The following SNRPN variants were observed in gnomAD, a reference collection of about 807,000 sequenced individuals.
SNRPN encodes the protein small nuclear ribonucleoprotein-associated protein N.
A neutral mutation model predicts 25.2 loss-of-function variants in SNRPN; 7 were observed. The observed-to-expected ratio is 0.28, with a 90% CI of 0.16 to 0.52. SNRPN has a LOEUF of 0.52. SNRPN is among the 20% of genes least tolerant of loss of function. The pLI, the probability that SNRPN is intolerant of heterozygous loss-of-function variation, is 0.96. For synonymous variants in SNRPN, 124 were observed against 110.6 expected (o/e 1.12, Z -0.76); for missense variants, 196 against 322.5 (o/e 0.61, Z 3.00).
At chr15:24,863,102 A>G (rs1378601629) in intron 1 of SNRPN, among the ~76,000 whole-genome samples, 1 of 150,600 alleles carries the variant, frequency 6.6e-6, no homozygotes, top group African/African-American at 2.5e-5. Flanking sequence ...AGTTGGAACA[A>G]GTAAGAATAG....
At chr15:24,897,751 C>A (rs956560697) in intron 2 of SNRPN, among the ~76,000 whole-genome samples, 1 of 152,088 alleles carries the variant, frequency 6.6e-6, no homozygotes, top group Non-Finnish European at 1.5e-5. Context: ...AATGGGAGTT[C>A]CCCTGCACAA....
At position 24,977,815 on chromosome 15, in the gene SNRPN, C is replaced by T; in HGVS notation, c.458C>T (p.Ala153Val). 3.1e-6 allele frequency: 5 copies of T among 1,613,284 alleles called. No individual in the cohort carries two copies. Among genetic ancestry groups the T allele is most frequent in the Non-Finnish European group, 4.2e-6 (5 of 1,179,600 alleles). ...CAGGGAAGAGGCACTGTAGCAGCTGCTGCTGTTGCTGCGACTGCCAGTATT... is the reference window on the plus strand; with the variant it reads ...CAGGGAAGAGGCACTGTAGCAGCTGTTGCTGTTGCTGCGACTGCCAGTATT... ...TPQGRGTVAAAAVAATASIAG... is the reference protein window; with the variant it reads ...TPQGRGTVAAVAVAATASIAG... The change falls in exon 8 of 10, where the codon GCT (alanine) becomes GTT (valine). Residue 153 changes from alanine to valine, a missense_variant. By Grantham distance (64) the Ala-to-Val change is moderately conservative. Coordinates refer to ENST00000390687, the MANE Select transcript of SNRPN (RefSeq NM_003097.6).
rs67151378 is a variant in SNRPN at position 24,873,178 on chromosome 15, A to C, written c.-578-13338A>C. Among the ~76,000 whole-genome samples, 7 of 118,722 alleles carry C rather than the reference A, an allele frequency of 5.9e-5. 2 individuals carry two copies. The highest frequency in any genetic ancestry group is 2.0e-4 in the African/African-American group (7 of 34,396). The allele number at this position is 118,722 out of a possible 152,430, so 77.9% of individuals were successfully genotyped here. ...ACTCCCGCCTTGCCCGCAAAAAAAAAGCAACAGGGATTCCCATAGCACAAC... is the reference window on the plus strand; with the variant it reads ...ACTCCCGCCTTGCCCGCAAAAAAAACGCAACAGGGATTCCCATAGCACAAC... On this transcript the variant is annotated intron_variant, in intron 1 of 11. Coordinates refer to the SNRPN transcript ENST00000400097.
intron 2 of SNRPN, among the ~76,000 whole-genome samples, chr15:24,842,584 T>C (rs1444177292): frequency 2.6e-5 from 4 of 152,242 alleles, no homozygotes; most frequent in African/African-American, 9.6e-5. Context: ...ACATGGCGCA[T>C]TGAGCAAAGC....
intron 1 of SNRPN, among the ~76,000 whole-genome samples, chr15:24,868,858 C>T (rs989382599): frequency 4.3e-4 from 66 of 152,108 alleles, no homozygotes; most frequent in Admixed American, 8.5e-4. Flanking sequence ...AAGGAGAGAC[C>T]AGGTGCAATA....
At position 24,863,118 on chromosome 15, in the gene SNRPN, G is replaced by A. The variant is rs936714843; in HGVS notation, c.-579+6402G>A. On this transcript the variant is annotated intron_variant, in intron 1 of 11. Coordinates refer to the SNRPN transcript ENST00000400097. Reference sequence around the variant, plus strand: ...GTTGGAACAAGTAAGAATAGTCCTTGTTTGATGGGAAGGAGCAGTAGCATT... The same window carrying A: ...GTTGGAACAAGTAAGAATAGTCCTTATTTGATGGGAAGGAGCAGTAGCATT... 2.7e-5 allele frequency among the ~76,000 whole-genome samples: 4 copies of A among 150,446 alleles called. 1 individual carries two copies. Among genetic ancestry groups the A allele is most frequent in the African/African-American group, 1.0e-4 (4 of 40,124 alleles).
chr15:24,966,632 C>T (rs2075681633), intron 2 of SNRPN, among the ~76,000 whole-genome samples: 1 of 152,110 alleles, frequency 6.6e-6, no homozygotes, highest in Non-Finnish European at 1.5e-5. Flanking sequence ...CCTAGGGACC[C>T]ACCTTGAGTA....
intron 1 of SNRPN, among the ~76,000 whole-genome samples, chr15:24,858,837 C>A (rs549723744): frequency 2.0e-5 from 3 of 152,106 alleles, no homozygotes; most frequent in South Asian, 4.1e-4. Flanking sequence ...CCTGATCAAT[C>A]GTTTATTCTT....
chr15:24,897,054 G>A (rs186978231), intron 2 of SNRPN, among the ~76,000 whole-genome samples: 27 of 152,226 alleles, frequency 1.8e-4, no homozygotes, highest in African/African-American at 5.8e-4. Context: ...TCAGGAGGCT[G>A]AGGTGAAAGG....
intron 1 of SNRPN, among the ~76,000 whole-genome samples, chr15:24,882,112 A>C (rs935523614): frequency 2.0e-5 from 3 of 152,178 alleles, no homozygotes; most frequent in Non-Finnish European, 4.4e-5. Context: ...GTGTCCTGCT[A>C]ATTGATTTTG....
At chr15:24,969,883 C>T (rs571834137) in intron 3 of SNRPN, among the ~76,000 whole-genome samples, 2 of 152,154 alleles carry the variant, frequency 1.3e-5, no homozygotes, top group Non-Finnish European at 2.9e-5. Context: ...ATTATGTTAT[C>T]TTTGGCCACA....
At chr15:24,844,849 C>G (rs2052045344) in intron 2 of SNRPN, among the ~76,000 whole-genome samples, 1 of 152,072 alleles carries the variant, frequency 6.6e-6, no homozygotes, top group African/African-American at 2.4e-5. Flanking sequence ...AAATTTTGTG[C>G]TTAATATTTA....
At chr15:24,877,545 C>T (rs1048902253) in intron 1 of SNRPN, among the ~76,000 whole-genome samples, 2 of 152,222 alleles carry the variant, frequency 1.3e-5, no homozygotes, top group African/African-American at 4.8e-5. Context: ...GCAACCTAGG[C>T]CGGGCGCGGT....
chr15:24,871,911 T>C (rs1285959149), intron 1 of SNRPN, among the ~76,000 whole-genome samples: 1 of 118,570 alleles, frequency 8.4e-6, no homozygotes, highest in Non-Finnish European at 1.8e-5. Flanking sequence ...TTCACCATGT[T>C]AGCCAGGATG....
chr15:24,824,658 C>T (rs2049952849), intron 1 of SNRPN, among the ~76,000 whole-genome samples: 1 of 151,958 alleles, frequency 6.6e-6, no homozygotes, highest in South Asian at 2.1e-4. Context: ...TTTATATGTT[C>T]ATTTTTATTG....
At chr15:24,968,448 G>T in intron 3 of SNRPN, 1 of 170,160 alleles carries the variant, frequency 5.9e-6, no homozygotes, top group Non-Finnish European at 1.3e-5. Flanking sequence ...AGCTTTAGTA[G>T]ATAGCTTTGT....
chr15:24,852,414 GTCT>G (rs1424139545), upstream of SNRPN, among the ~76,000 whole-genome samples: 1 of 152,102 alleles, frequency 6.6e-6, no homozygotes, highest in African/African-American at 2.4e-5. Flanking sequence ...GCCAAATCAG[GTCT>G]TCTTCATTCT....
At chr15:24,856,152 G>GC (rs2053362190), upstream of SNRPN, among the ~76,000 whole-genome samples, 2 of 151,984 alleles carry the variant, frequency 1.3e-5, no homozygotes, top group East Asian at 3.9e-4. Context: ...CCTTCTCTTA[G>GC]CCAAGTGTGC....
At chr15:24,963,782 T>C (rs2075216590) in intron 2 of SNRPN, among the ~76,000 whole-genome samples, 1 of 152,066 alleles carries the variant, frequency 6.6e-6, no homozygotes, top group Admixed American at 6.6e-5. Context: ...CTCATGCCTC[T>C]AATCCCAGCA....
Sources: allele counts gnomAD v4.1 joint callset (sites outside exome capture counted in the v4.1 genomes callset), GRCh38; gene constraint gnomAD v4.1.1; transcripts MANE v1.5; gene names NCBI Gene and HGNC (gene_info 2026-07-23, HGNC 2026-07-21).